CBLB: variants seen among roughly 807,000 people sequenced by gnomAD.
CBLB encodes E3 ubiquitin-protein ligase CBL-B.
CBLB carries 31 observed loss-of-function variants against 104.9 expected under a neutral mutation model. The ratio of observed to expected loss-of-function variants is 0.30; its 90% confidence interval spans 0.22 to 0.40. The LOEUF is 0.40. Among genes scored for constraint, CBLB ranks in the 10% least tolerant of loss-of-function variants. The pLI is 1.00. For synonymous variants in CBLB, 440 were observed against 422.6 expected (o/e 1.04, Z -0.51); for missense variants, 1,062 against 1,214.6 (o/e 0.87, Z 1.87).
At chr3:105,676,493 G>T (rs906327460) in intron 17 of CBLB, among the ~76,000 whole-genome samples, 2 of 151,928 alleles carry the variant, frequency 1.3e-5, no homozygotes, top group Admixed American at 6.6e-5. Flanking sequence ...CATCTATTGG[G>T]GCTTAAGTTA....
intron 3 of CBLB, among the ~76,000 whole-genome samples, chr3:105,806,234 T>G (rs1217039224): frequency 2.0e-5 from 3 of 152,190 alleles, no homozygotes; most frequent in African/African-American, 7.2e-5. Context: ...AATTCTCACT[T>G]TAAGACGTCA....
intron 16 of CBLB, among the ~76,000 whole-genome samples, chr3:105,679,234 C>T (rs537341775): frequency 6.6e-6 from 1 of 150,666 alleles, no homozygotes; most frequent in South Asian, 2.1e-4. Flanking sequence ...GCATATTTCC[C>T]AGCTTTAATA....
At chr3:105,862,103 C>T (rs2092139613) in intron 2 of CBLB, among the ~76,000 whole-genome samples, 1 of 152,138 alleles carries the variant, frequency 6.6e-6, no homozygotes, top group African/African-American at 2.4e-5. Flanking sequence ...CTCAATCTCC[C>T]CAGAATTCAA....
chr3:105,745,207 A>G (rs1324582156), intron 6 of CBLB, among the ~76,000 whole-genome samples: 1 of 152,190 alleles, frequency 6.6e-6, no homozygotes, highest in Non-Finnish European at 1.5e-5. Flanking sequence ...CTATGGGCCT[A>G]ATGCATTTTT....
chr3:105,776,284 T>C, intron 4 of CBLB, 112 bp downstream of exon 4: 1 of 966,080 alleles, frequency 1.0e-6, no homozygotes, highest in Non-Finnish European at 1.6e-6. Context: ...TCAAAAATAA[T>C]AAAATACATT....
intron 11 of CBLB, among the ~76,000 whole-genome samples, chr3:105,703,411 CCA>C (rs1320676085): frequency 6.6e-6 from 1 of 152,046 alleles, no homozygotes; most frequent in Non-Finnish European, 1.5e-5. Context: ...AGGAAAAAAT[CCA>C]CACAGTAAAA....
intron 16 of CBLB, among the ~76,000 whole-genome samples, chr3:105,679,335 TTAAAAAAAA>T (rs200921062): frequency 0.092 from 6,902 of 75,368 alleles, 390 homozygotes; most frequent in Admixed American, 0.25. Flanking sequence ...CCTTGAGTCT[TTAAAAAAAA>T]AAAAAAAAAA....
intron 3 of CBLB, among the ~76,000 whole-genome samples, chr3:105,833,379 T>C (rs2087879029): frequency 6.6e-6 from 1 of 152,162 alleles, no homozygotes; most frequent in South Asian, 2.1e-4. Flanking sequence ...AGAACAAATA[T>C]CTCTCTCTGA....
chr3:105,728,039 T>C (rs2073881714), intron 9 of CBLB, among the ~76,000 whole-genome samples: 1 of 152,130 alleles, frequency 6.6e-6, no homozygotes, highest in Non-Finnish European at 1.5e-5. Context: ...CTTTTTTGGT[T>C]CCATATGAAA....
intron 4 of CBLB, among the ~76,000 whole-genome samples, chr3:105,770,273 T>A (rs1324100223): frequency 2.0e-5 from 3 of 151,976 alleles, no homozygotes; most frequent in Admixed American, 6.6e-5. Context: ...GTGAGACAGG[T>A]GAAAAACTCC....
rs894252015 is a variant in CBLB, at chr3:105,666,685, CA to C, written c.2689+3547del. 2.7e-5 allele frequency among the ~76,000 whole-genome samples: 4 copies of C among 148,750 alleles called. No homozygotes were observed. In the East Asian group the frequency reaches 7.8e-4, roughly 29 times the overall value. ...TGGGCGACAGAGCGAGACTCCATCT[CA>C]AAAAAAAAGAAATACTGCCTATAGA... On this transcript the variant is annotated intron_variant, in intron 18 of 18. Transcript: ENST00000394030.
intron 4 of CBLB, among the ~76,000 whole-genome samples, chr3:105,753,928 AG>A (rs1160791990): frequency 6.6e-6 from 1 of 152,196 alleles, no homozygotes; most frequent in East Asian, 1.9e-4. Flanking sequence ...ACATTTCCAC[AG>A]TACTTGTGTA....
intron 4 of CBLB, among the ~76,000 whole-genome samples, chr3:105,755,909 A>G (rs1417364010): frequency 6.6e-6 from 1 of 152,208 alleles, no homozygotes; most frequent in Non-Finnish European, 1.5e-5. Flanking sequence ...AAAAATATTT[A>G]TTGTCGTGGA....
intron 9 of CBLB, among the ~76,000 whole-genome samples, chr3:105,730,158 T>A (rs1372982): frequency 0.59 from 90,155 of 151,670 alleles, 27,006 homozygotes; most frequent in Middle Eastern, 0.72. Flanking sequence ...AAAACAGCGA[T>A]AAAAATGCAG....
At chr3:105,726,545 C>CTT (rs150919735) in intron 9 of CBLB, among the ~76,000 whole-genome samples, 1 of 141,196 alleles carries the variant, frequency 7.1e-6, no homozygotes, top group Non-Finnish European at 1.6e-5. Context: ...AGCCATTTTC[C>CTT]TTTTTTTTTT....
At chr3:105,703,400 G>C (rs540224393) in intron 11 of CBLB, among the ~76,000 whole-genome samples, 4 of 152,028 alleles carry the variant, frequency 2.6e-5, no homozygotes, top group Non-Finnish European at 5.9e-5. Flanking sequence ...TATCAAATTC[G>C]AGGAAAAAAT....
At chr3:105,702,480 A>AAAAAAAAAAAAAAAAAAAAAAAAAT in intron 11 of CBLB, 21 bp from the exon 12 acceptor site, 1 of 1,438,306 alleles carries the variant, frequency 7.0e-7, no homozygotes, top group Non-Finnish European at 9.2e-7. Context: ...AGAAGAGAAA[A>AAAAAAAAAAAAAAAAAAAAAAAAAT]AAAAAAAAAA....
chr3:105,806,084 G>A (rs1577358825), intron 3 of CBLB, among the ~76,000 whole-genome samples: 1 of 152,062 alleles, frequency 6.6e-6, no homozygotes, highest in Non-Finnish European at 1.5e-5. Flanking sequence ...CAAGATGAAT[G>A]AAATTGATTC....
Position 105,779,628 on chromosome 3 carries a change from C to T in CBLB, c.420-3086G>A, listed in dbSNP as rs537284246. On this transcript the variant is annotated intron_variant, in intron 3 of 18. Transcript: ENST00000394030. ...TTAACATATTTATAGAGGTTGCAAT[C>T]GACACCAAGGTATGAAAAGAACTGA... 1.7e-3 allele frequency among the ~76,000 whole-genome samples: 257 copies of T among 151,112 alleles called. 1 individual carries two copies. Among genetic ancestry groups the T allele is most frequent in the African/African-American group, 4.5e-3 (187 of 41,152 alleles).
Sources: gnomAD v4.1 joint callset for allele counts (sites outside exome capture counted in the v4.1 genomes callset) on GRCh38, gnomAD v4.1.1 for gene constraint, MANE v1.5 for transcripts, NCBI Gene and HGNC (gene_info 2026-07-23, HGNC 2026-07-21) for gene names.